PCDH9: variants seen among roughly 807,000 people sequenced by gnomAD.
The protein encoded by PCDH9 is protocadherin 9.
In PCDH9, 24 loss-of-function variants were observed where a neutral mutation model predicts 70.6. The observed-to-expected ratio is 0.34, with a 90% CI of 0.25 to 0.48. The LOEUF is 0.48. Among genes scored for constraint, PCDH9 ranks in the 20% least tolerant of loss-of-function variants. The pLI is 0.99. For synonymous variants in PCDH9, 562 were observed against 558.5 expected, an observed-to-expected ratio of 1.01 and a Z score of -0.09; for missense variants, 1,281 against 1,503.6, an observed-to-expected ratio of 0.85 and a Z score of 2.45.
chr13:66,732,203 G>C (rs79371581), intron 3 of PCDH9, among the ~76,000 whole-genome samples: 1,968 of 151,980 alleles, frequency 0.013, 50 homozygotes, highest in African/African-American at 0.043. Context: ...TGTGTAAGAT[G>C]TGTCAGGATC....
chr13:66,311,060 G>A (rs1008613240), intron 4 of PCDH9, among the ~76,000 whole-genome samples: 24 of 152,012 alleles, frequency 1.6e-4, no homozygotes, highest in Admixed American at 6.6e-4. Flanking sequence ...ATTTGCTAAA[G>A]CAGTTTCCCT....
At chr13:66,380,595 G>C (rs867475153) in intron 4 of PCDH9, among the ~76,000 whole-genome samples, 10 of 136,246 alleles carry the variant, frequency 7.3e-5, no homozygotes, top group African/African-American at 2.5e-4. Flanking sequence ...CCAGGCTGGA[G>C]TGCAGTGGCG....
chr13:66,436,130 CT>C (rs1957864973), intron 4 of PCDH9, among the ~76,000 whole-genome samples: 1 of 152,106 alleles, frequency 6.6e-6, no homozygotes, highest in Non-Finnish European at 1.5e-5. Context: ...GGGAGAGTCA[CT>C]GCTGTGGCTT....
chr13:66,997,290 T>A (rs904275242), intron 2 of PCDH9, among the ~76,000 whole-genome samples: 5 of 152,024 alleles, frequency 3.3e-5, no homozygotes, highest in African/African-American at 1.2e-4. Flanking sequence ...AATTTACAAT[T>A]ATAACAGAAG....
At chr13:66,392,252 AC>A (rs142692926) in intron 4 of PCDH9, among the ~76,000 whole-genome samples, 2,819 of 152,164 alleles carry the variant, frequency 0.019, 84 homozygotes, top group African/African-American at 0.065. Flanking sequence ...ATTTAAGGAA[AC>A]CATTTGTTAA....
intron 2 of PCDH9, among the ~76,000 whole-genome samples, chr13:67,150,319 G>A (rs1164380763): frequency 1.3e-5 from 2 of 152,178 alleles, no homozygotes; most frequent in African/African-American, 2.4e-5. Context: ...TTACAGGCAT[G>A]AGCCACTGTG....
chr13:66,640,046 C>G (rs371540639), intron 3 of PCDH9, among the ~76,000 whole-genome samples: 1 of 152,018 alleles, frequency 6.6e-6, no homozygotes, highest in African/African-American at 2.4e-5. Flanking sequence ...AAAAACAAAT[C>G]CAAATGAGAA....
chr13:67,017,314 G>A (rs552539483), intron 2 of PCDH9, among the ~76,000 whole-genome samples: 4 of 152,288 alleles, frequency 2.6e-5, no homozygotes, highest in East Asian at 1.9e-4. Flanking sequence ...ATTTCTGAAC[G>A]TTCATTCGGT....
chr13:66,317,922 A>G (rs1331198115), intron 4 of PCDH9, among the ~76,000 whole-genome samples: 1 of 151,618 alleles, frequency 6.6e-6, no homozygotes, highest in Non-Finnish European at 1.5e-5. Context: ...TGTGAAATAC[A>G]TTGCTTAAAT....
At chr13:66,653,024 C>A (rs921280398) in intron 3 of PCDH9, among the ~76,000 whole-genome samples, 1 of 152,102 alleles carries the variant, frequency 6.6e-6, no homozygotes, top group Non-Finnish European at 1.5e-5. Flanking sequence ...AAATCTAAGA[C>A]CCCAAACCAT....
At chr13:66,377,308 C>T (rs1956766991) in intron 4 of PCDH9, among the ~76,000 whole-genome samples, 1 of 152,060 alleles carries the variant, frequency 6.6e-6, no homozygotes, top group South Asian at 2.1e-4. Flanking sequence ...ACCCAGACTG[C>T]CAGTCCCCGC....
At chr13:66,570,412 C>G (rs1462043629) in intron 4 of PCDH9, among the ~76,000 whole-genome samples, 2 of 152,018 alleles carry the variant, frequency 1.3e-5, no homozygotes, top group Admixed American at 6.6e-5. Flanking sequence ...ATAACACAGA[C>G]ACACACACAA....
At chr13:66,532,171 T>G (rs903927949) in intron 4 of PCDH9, among the ~76,000 whole-genome samples, 5 of 151,894 alleles carry the variant, frequency 3.3e-5, no homozygotes, top group Non-Finnish European at 5.9e-5. Flanking sequence ...TTAGTGGTTT[T>G]TTTTTTTTCT....
chr13:66,985,275 T>C (rs191093096), intron 2 of PCDH9, among the ~76,000 whole-genome samples: 349 of 152,234 alleles, frequency 2.3e-3, no homozygotes, highest in Non-Finnish European at 2.9e-3. Context: ...ATAAATCCTG[T>C]CTTTGTTGAA....
intron 3 of PCDH9, among the ~76,000 whole-genome samples, chr13:66,636,194 C>T (rs981183063): frequency 6.6e-6 from 1 of 152,116 alleles, no homozygotes. Context: ...TTTGACCACA[C>T]TAAAATTTCA....
intron 4 of PCDH9, among the ~76,000 whole-genome samples, chr13:66,334,667 C>T (rs1170265568): frequency 6.6e-6 from 1 of 151,202 alleles, no homozygotes; most frequent in African/African-American, 2.5e-5. Flanking sequence ...GTCTTTACTA[C>T]TAAAAAAAAA....
chr13:66,731,489 G>A (rs1421189752), intron 3 of PCDH9, among the ~76,000 whole-genome samples: 1 of 152,064 alleles, frequency 6.6e-6, no homozygotes, highest in East Asian at 1.9e-4. Flanking sequence ...GCCTAATAAA[G>A]TAACACTTTG....
chr13:67,054,301 G>T (rs2085377673), intron 2 of PCDH9, among the ~76,000 whole-genome samples: 1 of 152,014 alleles, frequency 6.6e-6, no homozygotes, highest in Non-Finnish European at 1.5e-5. Flanking sequence ...TGCAAATAAA[G>T]ATCTAAATAT....
In PCDH9 at chr13:66,782,545, A is replaced by G. The variant is rs1039264262; in HGVS notation, c.3138+120959T>C. Reference sequence around the variant, plus strand: ...TTAGATTTCAAAAGAAAAAAAGCCAACAATGTCATTGATATTTTTGCAGCA... The same window carrying G: ...TTAGATTTCAAAAGAAAAAAAGCCAGCAATGTCATTGATATTTTTGCAGCA... On this transcript the variant is annotated intron_variant, in intron 3 of 4. Coordinates refer to ENST00000377865, the MANE Select transcript of PCDH9 (RefSeq NM_203487.3). Among the ~76,000 whole-genome samples the G allele has an allele frequency of 4.9e-4, 74 of 152,316 alleles. 1 individual carries two copies. The highest frequency in any genetic ancestry group is 1.8e-3 in the African/African-American group (73 of 41,578).
Sources: allele counts gnomAD v4.1 joint callset (sites outside exome capture counted in the v4.1 genomes callset), GRCh38; gene constraint gnomAD v4.1.1; transcripts MANE v1.5; gene names NCBI Gene and HGNC (gene_info 2026-07-23, HGNC 2026-07-21).